Variants in GPR19 observed in about 807,000 individuals in gnomAD.
GPR19 encodes probable G protein-coupled receptor 19.
A neutral mutation model predicts 28.5 loss-of-function variants in GPR19; 14 were observed. The ratio of observed to expected loss-of-function variants is 0.49; its 90% CI spans 0.32 to 0.77. The LOEUF is 0.77. Among genes scored for constraint, GPR19 ranks in the 30% least tolerant of loss-of-function variants. The probability of loss-of-function intolerance (pLI) is 0.03; values close to 1 mark genes in which losing one functional copy is unlikely to be tolerated. For missense variants in GPR19, 409 were observed against 504.1 expected (o/e 0.81, Z 1.81); for synonymous variants, 173 against 184.1 (o/e 0.94, Z 0.49).
At chr12:12,687,053 T>C (rs1184987171) in intron 2 of GPR19, among the ~76,000 whole-genome samples, 4 of 152,206 alleles carry the variant, frequency 2.6e-5, no homozygotes, top group African/African-American at 9.6e-5. Context: ...AAAGAAACAG[T>C]TGTCTTCCAT....
At chr12:12,710,674 C>A in the GPR19 span, among the ~76,000 whole-genome samples, 2 of 152,116 alleles carry the variant, frequency 1.3e-5, no homozygotes, top group Non-Finnish European at 2.9e-5. Context: ...GTAGCTGGGA[C>A]TACAAGTGCA....
chr12:12,683,560 T>G (rs764813281), intron 3 of GPR19, among the ~76,000 whole-genome samples: 4 of 152,364 alleles, frequency 2.6e-5, no homozygotes, highest in Middle Eastern at 3.4e-3. Flanking sequence ...ATGTGGGTAA[T>G]AAAACCTTCC....
chr12:12,675,379 C>A (rs1283617655), intron 3 of GPR19, among the ~76,000 whole-genome samples: 1 of 152,064 alleles, frequency 6.6e-6, no homozygotes, highest in South Asian at 2.1e-4. Context: ...TAGGATAGAG[C>A]CTTGCCGTTA....
rs1249277315 is a variant in GPR19, at chr12:12,662,270, A to G, written c.179T>C (p.Leu60Pro). The G allele has an allele frequency of 6.8e-6, 11 of 1,614,226 alleles. No individual in the cohort carries two copies. The highest frequency in any genetic ancestry group is 9.3e-6 in the Non-Finnish European group (11 of 1,180,044). Reference sequence around the variant, plus strand: ...GGCTGTGGCCACTTCCCCGGGTTTCAGCACATAGTGAAGGTCTGTTTGGTT... The same window carrying G: ...GGCTGTGGCCACTTCCCCGGGTTTCGGCACATAGTGAAGGTCTGTTTGGTT... ...MSNQTDLHYV[L>P]KPGEVATASI... Residue 60 changes from leucine to proline, a missense_variant, in exon 4 of 4, where the codon CTG (leucine) becomes CCG (proline). Physicochemically the swap from Leu to Pro is moderately conservative, Grantham distance 98. Coordinates refer to ENST00000651487, the MANE Select transcript of GPR19 (RefSeq NM_006143.3).
the GPR19 span, among the ~76,000 whole-genome samples, chr12:12,708,907 C>T: frequency 2.6e-5 from 4 of 152,090 alleles, no homozygotes; most frequent in African/African-American, 4.8e-5. Flanking sequence ...ATTAGCTGGG[C>T]GTGGTGGCAC....
At position 12,661,773 on chromosome 12, in the gene GPR19, T is replaced by C. The variant is rs1461918269; in HGVS notation, c.676A>G (p.Ile226Val). 1 of 1,613,348 alleles carries C rather than the reference T, an allele frequency of 6.2e-7. No homozygotes were observed. The highest frequency in any genetic ancestry group is 2.2e-5 in the East Asian group (1 of 44,888). ...SSWEGTAYTV[I>V]HFLVGFVIPS... ...ATCACAAAGCCCACCAAGAAGTGGATGACAGTGTAGGCAGTGCCTTCCCAA... is the reference window on the plus strand; with the variant it reads ...ATCACAAAGCCCACCAAGAAGTGGACGACAGTGTAGGCAGTGCCTTCCCAA... Residue 226 changes from isoleucine (I) to valine (V), a missense_variant, in exon 4 of 4, where the codon ATC (isoleucine) becomes GTC (valine). Physicochemically the swap from Ile to Val is conservative, Grantham distance 29. Transcript: ENST00000651487. The surrounding 1 kb of genome is among the most constrained non-coding windows in gnomAD (Gnocchi z 4.2).
intron 3 of GPR19, among the ~76,000 whole-genome samples, chr12:12,683,064 G>A (rs1373592147): frequency 6.6e-6 from 1 of 152,086 alleles, no homozygotes. Context: ...GCTTAGGCTG[G>A]CCTTGCTAGG....
Position 12,661,013 on chromosome 12 carries a change from C to T in GPR19, c.*188G>A, listed in dbSNP as rs1945662990. On this transcript the variant is annotated 3_prime_UTR_variant, in exon 4 of 4. Transcript: ENST00000651487. This position sits in a 1 kb window ranked among gnomAD's most constrained non-coding sequence, Gnocchi z 4.2. ...ACTGTTGGCTAAAGTTCAAAGTGAA[C>T]GCTTTTCCTAAAACATAAAAAGCAA... 1.2e-5 allele frequency: 6 copies of T among 519,644 alleles called. No individual in the cohort carries two copies. The South Asian group carries it at 1.3e-4, about 12-fold the overall frequency. The allele number at this position is 519,644 out of a possible 1,614,324, so 32.2% of individuals were successfully genotyped here. A position where few individuals can be genotyped will look rare whatever the true frequency, so the allele number is the denominator to read the frequency against.
chr12:12,666,441 C>G (rs1945780354), intron 3 of GPR19, among the ~76,000 whole-genome samples: 1 of 152,154 alleles, frequency 6.6e-6, no homozygotes, highest in African/African-American at 2.4e-5. Context: ...TTCCAGGCAG[C>G]CTTAAGAAAT....
At chr12:12,703,322 T>C in the GPR19 span, 1 of 908,554 alleles carries the variant, frequency 1.1e-6, no homozygotes, top group African/African-American at 1.8e-5. Flanking sequence ...GTCTATTGAT[T>C]GTGAGACACA....
chr12:12,697,153 T>A (rs1337041429), upstream of GPR19, among the ~76,000 whole-genome samples: 268 of 48,818 alleles, frequency 5.5e-3, no homozygotes, highest in South Asian at 8.7e-3. Flanking sequence ...TGAAGCGAAG[T>A]AAAAAAAAAA....
At chr12:12,666,195 A>G (rs1212769495) in intron 3 of GPR19, among the ~76,000 whole-genome samples, 1 of 152,108 alleles carries the variant, frequency 6.6e-6, no homozygotes, top group South Asian at 2.1e-4. Flanking sequence ...TGCCTCCCAG[A>G]GTATATAGTT....
intron 2 of GPR19, among the ~76,000 whole-genome samples, chr12:12,691,330 T>G (rs1450964537): frequency 6.6e-6 from 1 of 152,110 alleles, no homozygotes; most frequent in African/African-American, 2.4e-5. Context: ...TGCCAATAGC[T>G]CTGGTCTAAA....
At chr12:12,703,262 T>C in the GPR19 span, 1 of 379,122 alleles carries the variant, frequency 2.6e-6, no homozygotes, top group Non-Finnish European at 3.6e-6. Context: ...AAGGATCTAT[T>C]ACCTAATTTC....
chr12:12,692,852 A>G (rs952186458), intron 2 of GPR19, among the ~76,000 whole-genome samples: 1 of 152,140 alleles, frequency 6.6e-6, no homozygotes, highest in Non-Finnish European at 1.5e-5. Flanking sequence ...TAACCCATAA[A>G]AACCTTTAAA....
chr12:12,689,554 G>A (rs188605155), intron 2 of GPR19, among the ~76,000 whole-genome samples: 7 of 152,028 alleles, frequency 4.6e-5, no homozygotes, highest in African/African-American at 1.7e-4. Flanking sequence ...GGAACTGAAT[G>A]AATTGAACTA....
At chr12:12,674,126 C>G (rs1261643394) in intron 3 of GPR19, among the ~76,000 whole-genome samples, 1 of 146,456 alleles carries the variant, frequency 6.8e-6, no homozygotes, top group Admixed American at 7.0e-5. Context: ...GCAGGAGAAT[C>G]ACTTGAACCT....
At chr12:12,668,339 T>G (rs1945810649) in intron 3 of GPR19, among the ~76,000 whole-genome samples, 1 of 152,208 alleles carries the variant, frequency 6.6e-6, no homozygotes, top group Non-Finnish European at 1.5e-5. Flanking sequence ...TTTGTAAAAG[T>G]CATGATTCTA....
chr12:12,704,524 C>T, the GPR19 span, among the ~76,000 whole-genome samples: 1 of 152,036 alleles, frequency 6.6e-6, no homozygotes, highest in Non-Finnish European at 1.5e-5. Flanking sequence ...ACAAAAAATA[C>T]TATCATAAAA....
Sources: gnomAD v4.1 joint callset for allele counts (sites outside exome capture counted in the v4.1 genomes callset) on GRCh38, gnomAD v4.1.1 for gene constraint, Gnocchi (gnomAD v3.1) non-coding constraint, MANE v1.5 for transcripts, NCBI Gene and HGNC (gene_info 2026-07-23, HGNC 2026-07-21) for gene names.